Variants in ANKLE2 observed in about 807,000 individuals in gnomAD.
The protein encoded by ANKLE2 is ankyrin repeat and LEM domain containing 2.
ANKLE2 carries 55 observed loss-of-function variants against 84.2 expected under a neutral mutation model. That is an observed-to-expected ratio of 0.65 (90% confidence interval 0.53 to 0.82). The LOEUF is 0.82. Among genes scored for constraint, ANKLE2 ranks in the 40% least tolerant of loss-of-function variants. The pLI, the probability that ANKLE2 is intolerant of heterozygous loss-of-function variation, is 0.00. For missense variants in ANKLE2, 1,238 were observed against 1,201.9 expected, an observed-to-expected ratio of 1.03 and a Z score of -0.44; for synonymous variants, 551 against 486.1, an observed-to-expected ratio of 1.13 and a Z score of -1.76.
Position 132,761,824 on chromosome 12 carries a change from G to A in ANKLE2, c.-26C>T, listed in dbSNP as rs868372063. The A allele has an allele frequency of 5.5e-5, 55 of 1,002,134 alleles. No individual in the cohort carries two copies. In the South Asian group the frequency reaches 1.1e-3, roughly 20 times the overall value. The allele number at this position is 1,002,134 out of a possible 1,614,324, so 62.1% of individuals were successfully genotyped here. On this transcript the variant is annotated 5_prime_UTR_variant, in exon 1 of 13. Coordinates refer to ENST00000357997, the MANE Select transcript of ANKLE2 (RefSeq NM_015114.3). Reference sequence around the variant, plus strand: ...CGCCGCCGCCCGGGCCGCAGCCGCCGAGAAGCCCGCGCCCCGCGCCGCGCC... The same window carrying A: ...CGCCGCCGCCCGGGCCGCAGCCGCCAAGAAGCCCGCGCCCCGCGCCGCGCC...
chr12:132,735,072 C>A (rs1324723484), intron 9 of ANKLE2: 1 of 326,466 alleles, frequency 3.1e-6, no homozygotes, highest in Non-Finnish European at 5.6e-6. Context: ...AGCTTTGTGG[C>A]TATGGCCTAT....
rs1410360206 is a variant in ANKLE2, at chr12:132,726,020, G to A, written c.*1222C>T. On this transcript the variant is annotated 3_prime_UTR_variant, in exon 13 of 13. Transcript: ENST00000357997. ...TTTTTACAAACAAAAACAATCCTGC[G>A]TCTACTTAATATCCCTGTATATCCT... is the stretch of plus-strand genomic sequence containing the variant. The A allele has an allele frequency of 6.6e-6, 1 of 152,078 alleles. No homozygotes were observed. The highest frequency in any genetic ancestry group is 2.4e-5 in the African/African-American group (1 of 41,402). The allele number at this position is 152,078 out of a possible 1,614,324, so 9.4% of individuals were successfully genotyped here.
intron 10 of ANKLE2, among the ~76,000 whole-genome samples, chr12:132,733,046 T>C (rs28380712): frequency 1.5e-4 from 20 of 133,840 alleles, no homozygotes; most frequent in African/African-American, 4.9e-4. Flanking sequence ...GTGTCTGATA[T>C]GCACCGTGAA....
At position 132,734,593 on chromosome 12, in the gene ANKLE2, CAATT is replaced by C. The variant is rs1490254302; in HGVS notation, c.1701-22_1701-19del. ...CTAGCTCCCTGTAAGAAACAAAACA[CAATT>C]AACCAGCTGTGAAACCAGAAAAAAT... On this transcript the variant is annotated intron_variant, in intron 9 of 12. Transcript: ENST00000357997. The C allele has an allele frequency of 6.3e-6, 10 of 1,587,460 alleles. No individual in the cohort carries two copies. Among genetic ancestry groups the C allele is most frequent in the Admixed American group, 1.9e-5 (1 of 52,928 alleles).
In ANKLE2 at chr12:132,725,951, TGAAA is replaced by T. The variant is rs776110692; in HGVS notation, c.*1287_*1290del. On this transcript the variant is annotated 3_prime_UTR_variant, in exon 13 of 13. Transcript: ENST00000357997. The stretch of plus-strand genomic sequence containing the variant: ...TATTCCTGACCTATCTCTTGTCATA[TGAAA>T]GAAAGAAGCCTTTTTTTAAAACAAA... 4 of 152,222 alleles carry T rather than the reference TGAAA, an allele frequency of 2.6e-5. No individual in the cohort carries two copies. The highest frequency in any genetic ancestry group is 4.4e-5 in the Non-Finnish European group (3 of 68,026). 9.4% of individuals were successfully genotyped at this position (152,222 alleles called of 1,614,324 possible).
rs149055943 is a variant in ANKLE2, at chr12:132,743,569, G to A, written c.1231-293C>T. Among the ~76,000 whole-genome samples, 3,064 of 149,278 alleles carry A rather than the reference G, an allele frequency of 0.021. 56 individuals are homozygous for A. The highest frequency in any genetic ancestry group is 0.029 in the Non-Finnish European group (1,956 of 67,542). ...TCACCATATTGGTGAGACTGGTCTC[G>A]AACTCCTGACCTCAGGTGATCCACC... is the stretch of plus-strand genomic sequence containing the variant. On this transcript the variant is annotated intron_variant, in intron 5 of 12. Transcript: ENST00000357997. This position sits in a 1 kb window ranked among gnomAD's most constrained non-coding sequence, Gnocchi z 4.1.
chr12:132,735,118 T>C (rs539798667), intron 9 of ANKLE2: 1 of 455,162 alleles, frequency 2.2e-6, no homozygotes, highest in South Asian at 2.4e-5. Flanking sequence ...ATATGGTACC[T>C]TCTATAAAAT....
rs117114177 is a variant in ANKLE2, at chr12:132,731,885, G to A, written c.1892-1615C>T. Reference sequence around the variant, plus strand: ...CTGTGCTTTGGAAGCACTTTGCATCGTGGTGTCTGATATGCACCGTGTGAA... The same window carrying A: ...CTGTGCTTTGGAAGCACTTTGCATCATGGTGTCTGATATGCACCGTGTGAA... On this transcript the variant is annotated intron_variant, in intron 10 of 12. Transcript: ENST00000357997. 765 of 152,242 alleles carry A rather than the reference G, an allele frequency of 5.0e-3. 4 individuals carry two copies. The highest frequency in any genetic ancestry group is 6.6e-3 in the Non-Finnish European group (450 of 68,056). The allele number at this position is 152,242 out of a possible 1,614,324, so 9.4% of individuals were successfully genotyped here. A position where few individuals can be genotyped will look rare whatever the true frequency, so the allele number is the denominator to read the frequency against.
intron 3 of ANKLE2, among the ~76,000 whole-genome samples, chr12:132,749,636 G>C (rs1346549772): frequency 6.6e-6 from 1 of 152,222 alleles, no homozygotes; most frequent in Non-Finnish European, 1.5e-5. Context: ...AGCCCGCCAG[G>C]GAAGCCCAGA....
At chr12:132,730,561 G>A (rs987910078) in intron 10 of ANKLE2, 3 of 399,262 alleles carry the variant, frequency 7.5e-6, no homozygotes, top group African/African-American at 2.0e-5. Flanking sequence ...AGAAGCTCAC[G>A]CCTGCAATCC....
chr12:132,749,611 T>C, intron 3 of ANKLE2, among the ~76,000 whole-genome samples: 1 of 152,202 alleles, frequency 6.6e-6, no homozygotes, highest in East Asian at 1.9e-4. Flanking sequence ...GAGGGCAACA[T>C]TCCTCTGGAG....
Position 132,754,953 on chromosome 12 carries a change from T to C in ANKLE2, c.362A>G (p.Tyr121Cys), listed in dbSNP as rs867590044. The change falls in exon 2 of 13, where the codon TAC (tyrosine) becomes TGC (cysteine). Residue 121 changes from tyrosine (Y) to cysteine (C), a missense_variant. Coordinates refer to ENST00000357997, the MANE Select transcript of ANKLE2 (RefSeq NM_015114.3). ...LEQGGRLSSFYHHEAGVTALS... is the reference protein window; with the variant it reads ...LEQGGRLSSFCHHEAGVTALS... ...AGCTGTGACACCTGCCTCATGGTGG[T>C]AGAAAGAAGACAGCCTTCCTCCTTG... The C allele has an allele frequency of 7.4e-6, 12 of 1,614,200 alleles. No individual in the cohort carries two copies. The highest frequency in any genetic ancestry group is 2.2e-5 in the South Asian group (2 of 91,082).
In ANKLE2 at chr12:132,761,624, C is replaced by CG; in HGVS notation, c.174dup (p.Ala59ArgfsTer4). The stretch of plus-strand genomic sequence containing the variant: ...GCGACCGCCTGGGCCTTACCTGAGG[C>CG]GGGGGCGGCGGCCGCGCTTGGCGGA... On this transcript the variant is annotated frameshift_variant, in exon 1 of 13. Coordinates refer to ENST00000357997, the MANE Select transcript of ANKLE2 (RefSeq NM_015114.3). LOFTEE classifies it high-confidence loss of function. 1.6e-6 allele frequency: 2 copies of CG among 1,255,536 alleles called. No homozygotes were observed. Among genetic ancestry groups the CG allele is most frequent in the Admixed American group, 4.2e-5 (1 of 23,632 alleles). The allele number at this position is 1,255,536 out of a possible 1,614,324, so 77.8% of individuals were successfully genotyped here.
rs534263776 is a variant in ANKLE2, at chr12:132,735,009, G to C, written c.1700+397C>G. 3 of 281,866 alleles carry C rather than the reference G, an allele frequency of 1.1e-5. No individual in the cohort carries two copies. The South Asian group carries it at 1.3e-4, about 13-fold the overall frequency. 17.5% of individuals were successfully genotyped at this position (281,866 alleles called of 1,614,324 possible). On this transcript the variant is annotated intron_variant, in intron 9 of 12. Coordinates refer to ENST00000357997, the MANE Select transcript of ANKLE2 (RefSeq NM_015114.3). ...ACACCTGACACTGGGCACATATTTTGAGAAAATATTCTAAACAATTCCACG... is the reference window on the plus strand; with the variant it reads ...ACACCTGACACTGGGCACATATTTTCAGAAAATATTCTAAACAATTCCACG...
rs772312045 is a variant in ANKLE2 at position 132,729,732 on chromosome 12, G to A, written c.2430C>T (p.His810=). 41 of 1,610,638 alleles carry A rather than the reference G, an allele frequency of 2.5e-5. No individual in the cohort carries two copies. Among genetic ancestry groups the A allele is most frequent in the South Asian group, 1.8e-4 (16 of 90,960 alleles). Reference sequence around the variant, plus strand: ...CCCTGGTGACCTCGAGCTGATCCTCGTGCCTGGGGCTGCTGGGACTCAAGG... The same window carrying A: ...CCCTGGTGACCTCGAGCTGATCCTCATGCCTGGGGCTGCTGGGACTCAAGG... ...KMSLSPSSPR[H]EDQLEVTREP... Residue 810 remains histidine, a synonymous_variant, in exon 11 of 13, where the codon CAC becomes CAT. Transcript: ENST00000357997.
intron 8 of ANKLE2, among the ~76,000 whole-genome samples, chr12:132,736,393 C>T (rs541739436): frequency 6.6e-6 from 1 of 152,338 alleles, no homozygotes; most frequent in East Asian, 1.9e-4. Flanking sequence ...GCAACACCAC[C>T]ATTAAGGATT....
In ANKLE2 at chr12:132,725,967, TTTTTTAA is replaced by T. The variant is rs1003097848; in HGVS notation, c.*1268_*1274del. The T allele has an allele frequency of 1.6e-4, 25 of 152,204 alleles. No homozygotes were observed. Among genetic ancestry groups the T allele is most frequent in the African/African-American group, 6.0e-4 (25 of 41,446 alleles). The allele number at this position is 152,204 out of a possible 1,614,324, so 9.4% of individuals were successfully genotyped here. A position where few individuals can be genotyped will look rare whatever the true frequency, so the allele number is the denominator to read the frequency against. The stretch of plus-strand genomic sequence containing the variant: ...CTTGTCATATGAAAGAAAGAAGCCT[TTTTTTAA>T]AACAAAGTTTCAATTCAGAATTTTT... On this transcript the variant is annotated 3_prime_UTR_variant, in exon 13 of 13. Coordinates refer to ENST00000357997, the MANE Select transcript of ANKLE2 (RefSeq NM_015114.3).
Position 132,748,186 on chromosome 12 carries a change from G to A in ANKLE2, c.993C>T (p.Ser331=). The part of the protein sequence containing the change: ...EEDTFSDLIW[S]NPRYLIGSGD... Reference sequence around the variant, plus strand: ...CTGAGCCTATCAGATACCGGGGGTTGCTCCAGATAAGGTCAGAAAAGGTGT... The same window carrying A: ...CTGAGCCTATCAGATACCGGGGGTTACTCCAGATAAGGTCAGAAAAGGTGT... Residue 331 remains serine, a synonymous_variant, in exon 4 of 13, where the codon AGC becomes AGT. Transcript: ENST00000357997. The A allele has an allele frequency of 6.2e-7, 1 of 1,613,962 alleles. No homozygotes were observed. The highest frequency in any genetic ancestry group is 8.5e-7 in the Non-Finnish European group (1 of 1,179,968).
chr12:132,733,263 T>C (rs746439677), intron 10 of ANKLE2, among the ~76,000 whole-genome samples: 53 of 142,364 alleles, frequency 3.7e-4, no homozygotes, highest in Non-Finnish European at 6.7e-4. Flanking sequence ...CGCGTCCTGG[T>C]GTCTGATATG....
Sources: allele counts gnomAD v4.1 joint callset (sites outside exome capture counted in the v4.1 genomes callset), GRCh38; gene constraint gnomAD v4.1.1; non-coding constraint Gnocchi (gnomAD v3.1); transcripts MANE v1.5; gene names NCBI Gene and HGNC (gene_info 2026-07-23, HGNC 2026-07-21).